The following PMVK variants were observed in gnomAD, a reference collection of about 807,000 sequenced individuals.
PMVK encodes phosphomevalonate kinase, also known as testis tissue sperm-binding protein Li 95mP.
In PMVK, 10 loss-of-function variants were observed where a neutral mutation model predicts 19.0. That is an observed-to-expected ratio of 0.53 (90% confidence interval 0.32 to 0.89). The LOEUF is 0.89. Ranked by LOEUF, PMVK falls within the 40% of genes least tolerant of loss-of-function variation. The pLI is 0.03. For synonymous variants in PMVK, 108 were observed against 101.6 expected, an observed-to-expected ratio of 1.06 and a Z score of -0.38; for missense variants, 222 against 251.1, an observed-to-expected ratio of 0.88 and a Z score of 0.78.
chr1:154,928,500 A>G (rs939764899), intron 3 of PMVK, among the ~76,000 whole-genome samples: 1 of 152,206 alleles, frequency 6.6e-6, no homozygotes, highest in African/African-American at 2.4e-5. Context: ...GGCCGCATGC[A>G]GTGGCTCACA....
At chr1:154,932,474 C>G in intron 1 of PMVK, 59 bp from the exon 2 acceptor site, 3 of 1,252,902 alleles carry the variant, frequency 2.4e-6, no homozygotes, top group Non-Finnish European at 3.4e-6. Flanking sequence ...CTTCCATGTC[C>G]CAGAAAGGGA....
At chr1:154,933,285 T>C (rs1382521352) in intron 1 of PMVK, among the ~76,000 whole-genome samples, 1 of 151,402 alleles carries the variant, frequency 6.6e-6, no homozygotes, top group Non-Finnish European at 1.5e-5. Context: ...AGCATAAAAT[T>C]AGCCGGACAT....
At chr1:154,933,750 G>A (rs759975733) in intron 1 of PMVK, among the ~76,000 whole-genome samples, 18 of 151,424 alleles carry the variant, frequency 1.2e-4, no homozygotes, top group East Asian at 8.0e-4. Context: ...CCTCAGCCTC[G>A]CAAAGTGCTG....
chr1:154,927,463 A>C (rs1418137919), intron 3 of PMVK, among the ~76,000 whole-genome samples: 1 of 150,116 alleles, frequency 6.7e-6, no homozygotes, highest in East Asian at 2.0e-4. Context: ...AAAAAAAAAA[A>C]AAAAAAAAAA....
At chr1:154,928,960 G>C in intron 3 of PMVK, 64 bp downstream of exon 3, 4 of 1,502,976 alleles carry the variant, frequency 2.7e-6, no homozygotes, top group Middle Eastern at 2.1e-4. Context: ...GAGACAGAGA[G>C]AGATGGACAC....
At chr1:154,935,044 G>A (rs1210601780) in intron 1 of PMVK, among the ~76,000 whole-genome samples, 1 of 114,658 alleles carries the variant, frequency 8.7e-6, no homozygotes, top group Non-Finnish European at 1.6e-5. Context: ...GGGTGACAGA[G>A]CAAGACTCCG....
At chr1:154,932,269 C>T in intron 2 of PMVK, 83 bp downstream of exon 2, 1 of 980,054 alleles carries the variant, frequency 1.0e-6, no homozygotes, top group Non-Finnish European at 1.6e-6. Context: ...GGAATCATGC[C>T]AGTGACTCAG....
rs200532153 is a variant in PMVK, at chr1:154,925,057, G to A, written c.*72C>T. On this transcript the variant is annotated 3_prime_UTR_variant, in exon 5 of 5. Coordinates refer to ENST00000368467, the MANE Select transcript of PMVK (RefSeq NM_006556.4). ...TTCCTCACCTCGGCCAGGATCGGGG[G>A]ACACCCCCATTTTGCAGAGTCAGCC... is the stretch of plus-strand genomic sequence containing the variant. 4.4e-5 allele frequency: 62 copies of A among 1,403,868 alleles called. 1 individual carries two copies. The highest frequency in any genetic ancestry group is 1.2e-5 in the Non-Finnish European group (12 of 1,031,128). 87.0% of individuals were successfully genotyped at this position (1,403,868 alleles called of 1,614,324 possible). A position where few individuals can be genotyped will look rare whatever the true frequency, so the allele number is the denominator to read the frequency against.
At chr1:154,938,590 C>T (rs1156811741), upstream of PMVK, among the ~76,000 whole-genome samples, 4 of 151,926 alleles carry the variant, frequency 2.6e-5, no homozygotes, top group African/African-American at 7.3e-5. Context: ...AAAAAGACTC[C>T]GTCTCAAAAA....
chr1:154,927,718 C>A (rs924868196), intron 3 of PMVK, among the ~76,000 whole-genome samples: 1 of 152,072 alleles, frequency 6.6e-6, no homozygotes, highest in African/African-American at 2.4e-5. Flanking sequence ...GGCACACTCA[C>A]CACTCAAGCC....
chr1:154,936,524 C>A, intron 1 of PMVK, 67 bp downstream of exon 1: 2 of 1,546,142 alleles, frequency 1.3e-6, no homozygotes, highest in Admixed American at 2.0e-5. Context: ...CCGTGACACC[C>A]AAAAGCACTC....
chr1:154,925,079 A>AGG lies in PMVK; in HGVS notation c.*49_*50insCC. ...GGGGACACCCCCATTTTGCAGAGTC[A>AGG]GCCCCACCCCCACCTCAGCAGGCCC... On this transcript the variant is annotated 3_prime_UTR_variant, in exon 5 of 5. Transcript: ENST00000368467. 1.2e-5 allele frequency: 16 copies of AGG among 1,339,756 alleles called. No homozygotes were observed. Among genetic ancestry groups the AGG allele is most frequent in the East Asian group, 3.7e-5 (1 of 27,080 alleles). The allele number at this position is 1,339,756 out of a possible 1,614,324, so 83.0% of individuals were successfully genotyped here. A position where few individuals can be genotyped will look rare whatever the true frequency, so the allele number is the denominator to read the frequency against.
chr1:154,942,321 C>T, the PMVK span, among the ~76,000 whole-genome samples: 73,403 of 152,166 alleles, frequency 0.48, 18,538 homozygotes, highest in East Asian at 0.88. Context: ...ATCCCCAAGG[C>T]CTGTGGGAAG....
At chr1:154,932,318 C>G (rs921146507) in intron 2 of PMVK, 34 bp downstream of exon 2, 2 of 1,550,940 alleles carry the variant, frequency 1.3e-6, no homozygotes, top group Admixed American at 1.7e-5. Flanking sequence ...GCCGGCCCCG[C>G]CCAACACACC....
At chr1:154,935,469 T>C (rs1189794663) in intron 1 of PMVK, among the ~76,000 whole-genome samples, 3 of 152,176 alleles carry the variant, frequency 2.0e-5, no homozygotes, top group Non-Finnish European at 4.4e-5. Context: ...CAGAAAACAC[T>C]GTGCAAAAGG....
chr1:154,936,863 CA>C (rs1558033644), upstream of PMVK: 14 of 604,394 alleles, frequency 2.3e-5, no homozygotes, highest in Non-Finnish European at 3.3e-5. Flanking sequence ...AGCTCATGTC[CA>C]AACAGATATG....
chr1:154,937,536 A>G (rs877343), upstream of PMVK: 80,528 of 152,132 alleles, frequency 0.53, 22,557 homozygotes, highest in East Asian at 0.88. Flanking sequence ...TCCCAGCCAG[A>G]AGTTTGAGAG....
intron 3 of PMVK, among the ~76,000 whole-genome samples, chr1:154,928,187 C>T (rs1654227157): frequency 6.6e-6 from 1 of 152,168 alleles, no homozygotes; most frequent in South Asian, 2.1e-4. Context: ...GTGGAGGTGT[C>T]ATGTCAACTG....
At chr1:154,928,856 A>G (rs1308925250) in intron 3 of PMVK, among the ~76,000 whole-genome samples, 168 bp downstream of exon 3, 2 of 152,184 alleles carry the variant, frequency 1.3e-5, no homozygotes, top group African/African-American at 2.4e-5. Flanking sequence ...AATAGACCAC[A>G]GAGGGCAAGA....
Sources: allele counts gnomAD v4.1 joint callset (sites outside exome capture counted in the v4.1 genomes callset), GRCh38; gene constraint gnomAD v4.1.1; transcripts MANE v1.5; gene names NCBI Gene and HGNC (gene_info 2026-07-23, HGNC 2026-07-21).